CHST15: variants seen among roughly 807,000 people sequenced by gnomAD.
CHST15 encodes the protein carbohydrate sulfotransferase 15, also known as B cell RAG associated protein (GALNAC4S-6ST).
Under a neutral mutation model 53.6 loss-of-function variants are expected in CHST15, and 30 were observed. The observed-to-expected ratio is 0.56, with a 90% CI of 0.42 to 0.76. The LOEUF is 0.76. Among genes scored for constraint, CHST15 ranks in the 30% least tolerant of loss-of-function variants. The pLI is 0.00. For synonymous variants in CHST15, 296 were observed against 289.8 expected (o/e 1.02, Z -0.22); for missense variants, 627 against 740.5 (o/e 0.85, Z 1.78).
rs369700369 is a variant in CHST15 at position 124,046,171 on chromosome 10, G to A, written c.42C>T (p.Asp14=). ...CINCCIQLLP[D]GAHKQQVNCQ... is the part of the protein sequence containing the mutation. Reference sequence around the variant, plus strand: ...AGTTGACCTGCTGCTTGTGTGCGCCGTCGGGTAACAGCTGTATGCAGCAAT... The same window carrying A: ...AGTTGACCTGCTGCTTGTGTGCGCCATCGGGTAACAGCTGTATGCAGCAAT... Residue 14 remains aspartate (D), a synonymous_variant, in exon 2 of 8, where the codon GAC becomes GAT. Transcript: ENST00000435907. 38 of 1,613,310 alleles carry A rather than the reference G, an allele frequency of 2.4e-5. No individual in the cohort carries two copies. Among genetic ancestry groups the A allele is most frequent in the East Asian group, 4.5e-5 (2 of 44,894 alleles).
At chr10:124,058,372 T>C (rs1948452178) in intron 1 of CHST15, among the ~76,000 whole-genome samples, 1 of 152,254 alleles carries the variant, frequency 6.6e-6, no homozygotes, top group Non-Finnish European at 1.5e-5. Flanking sequence ...AGGTCCCTTC[T>C]TGAAGGCACT....
intron 6 of CHST15, among the ~76,000 whole-genome samples, chr10:124,014,358 C>T (rs1007967227): frequency 1.3e-5 from 2 of 152,210 alleles, no homozygotes; most frequent in African/African-American, 4.8e-5. Flanking sequence ...CTATTCTTTT[C>T]CCATTTCATT....
intron 4 of CHST15, among the ~76,000 whole-genome samples, chr10:124,039,912 G>A (rs148991079): frequency 8.4e-4 from 128 of 152,322 alleles, no homozygotes; most frequent in Non-Finnish European, 1.6e-3. Context: ...AGATGACTGA[G>A]TCTCTTTGGT....
chr10:124,018,016 C>T (rs1210045137), intron 6 of CHST15, among the ~76,000 whole-genome samples: 1 of 152,248 alleles, frequency 6.6e-6, no homozygotes, highest in Non-Finnish European at 1.5e-5. Flanking sequence ...CCTTCCTCCT[C>T]CTCATCCCTC....
rs1451412208 is a variant in CHST15, at chr10:124,046,137, C to A, written c.76G>T (p.Gly26Cys). 51 of 1,614,144 alleles carry A rather than the reference C, an allele frequency of 3.2e-5. No homozygotes were observed. The East Asian group carries it at 1.1e-3, about 35-fold the overall frequency. ...CACGCCTGGTGACCGTGATGGGGGCCCCCTTGGCAGTTGACCTGCTGCTTG... is the reference window on the plus strand; with the variant it reads ...CACGCCTGGTGACCGTGATGGGGGCACCCTTGGCAGTTGACCTGCTGCTTG... ...AHKQQVNCQG[G>C]PHHGHQACPT... Residue 26 changes from glycine (G) to cysteine (C), a missense_variant, in exon 2 of 8, where the codon GGC (glycine) becomes TGC (cysteine). Physicochemically the swap from Gly to Cys is radical, Grantham distance 159. Transcript: ENST00000435907.
chr10:124,015,695 C>A (rs1210975277), intron 6 of CHST15, among the ~76,000 whole-genome samples: 1 of 152,250 alleles, frequency 6.6e-6, no homozygotes, highest in Non-Finnish European at 1.5e-5. Flanking sequence ...GTGCCAGGCA[C>A]CCTGCTAGGC....
chr10:124,053,346 T>C (rs1174687280), intron 1 of CHST15, among the ~76,000 whole-genome samples: 1 of 152,166 alleles, frequency 6.6e-6, no homozygotes, highest in Non-Finnish European at 1.5e-5. Context: ...GTGTACTCAT[T>C]TGTCCTCTTG....
rs199670609 is a variant in CHST15, at chr10:124,009,713, GA to G, written c.*435del. The G allele has an allele frequency of 2.6e-3, 2,636 of 1,024,642 alleles. 36 individuals carry two copies. In the African/African-American group the frequency reaches 0.035, roughly 14 times the overall value. 63.5% of individuals were successfully genotyped at this position (1,024,642 alleles called of 1,614,324 possible). On this transcript the variant is annotated 3_prime_UTR_variant, in exon 8 of 8. Transcript: ENST00000435907. ...CACGGCGAGACCCCATCTCTAGGGG[GA>G]AAAAAAGGGAACGTGAAGTGTAAGT...
intron 5 of CHST15, among the ~76,000 whole-genome samples, chr10:124,037,381 GGTCT>G (rs1441980329): frequency 6.6e-6 from 1 of 152,096 alleles, no homozygotes; most frequent in Non-Finnish European, 1.5e-5. Flanking sequence ...GATTAGACTT[GGTCT>G]GTCTGACTCT....
At chr10:124,064,783 T>G (rs1375344498) in intron 1 of CHST15, among the ~76,000 whole-genome samples, 1 of 151,908 alleles carries the variant, frequency 6.6e-6, no homozygotes, top group Non-Finnish European at 1.5e-5. Context: ...GCTAGATGCA[T>G]TCGCTCTTGC....
At chr10:124,077,050 G>A (rs746518263) in intron 1 of CHST15, among the ~76,000 whole-genome samples, 25 of 152,198 alleles carry the variant, frequency 1.6e-4, no homozygotes, top group Non-Finnish European at 2.5e-4. Flanking sequence ...GTTGCACTGC[G>A]TCTTGCAAAT....
At chr10:124,035,191 ACCCCTAACGGGGACCCTGGCTCTAC>A (rs1947427772) in intron 5 of CHST15, among the ~76,000 whole-genome samples, 1 of 72,910 alleles carries the variant, frequency 1.4e-5, no homozygotes, top group Admixed American at 1.7e-4. Context: ...CCCTGGTTCC[ACCCCTAACGGGGACCCTGGCTCTAC>A]CCCCTAACAG....
At chr10:124,067,801 G>C (rs773478031) in intron 1 of CHST15, among the ~76,000 whole-genome samples, 27 of 152,116 alleles carry the variant, frequency 1.8e-4, no homozygotes, top group Non-Finnish European at 3.8e-4. Flanking sequence ...ATTTTTAGTA[G>C]AGACGGGGTT....
Position 124,019,953 on chromosome 10 carries a change from A to T in CHST15, c.1347+1303T>A. 1 of 984,984 alleles carries T rather than the reference A, an allele frequency of 1.0e-6. No individual in the cohort carries two copies. The highest frequency in any genetic ancestry group is 1.8e-5 in the African/African-American group (1 of 57,068). 61.0% of individuals were successfully genotyped at this position (984,984 alleles called of 1,614,324 possible). A position where few individuals can be genotyped will look rare whatever the true frequency, so the allele number is the denominator to read the frequency against. On this transcript the variant is annotated intron_variant, in intron 6 of 7. Transcript: ENST00000435907. The surrounding 1 kb of genome is among the most constrained non-coding windows in gnomAD (Gnocchi z 4.6). ...CACGCTGCTCTCAGTTCCCTGGCCA[A>T]CTCTCCTTCAGGCCTCAGCACAGAC...
chr10:124,009,233 A>C lies in CHST15; in HGVS notation c.*916T>G. On this transcript the variant is annotated 3_prime_UTR_variant, in exon 8 of 8. Transcript: ENST00000435907. ...TACCTAGATTTTCCAAGAAGTGTTC[A>C]ATTCCTTGAGGTTGCTCATTCTGGC... 1 of 1,118,566 alleles carries C rather than the reference A, an allele frequency of 8.9e-7. No homozygotes were observed. The highest frequency in any genetic ancestry group is 1.1e-6 in the Non-Finnish European group (1 of 900,568). The allele number at this position is 1,118,566 out of a possible 1,614,324, so 69.3% of individuals were successfully genotyped here.
In CHST15 at chr10:124,045,667, A is replaced by AT; in HGVS notation, c.545dup (p.His182GlnfsTer15). On this transcript the variant is annotated frameshift_variant and splice_region_variant, in exon 2 of 8. Transcript: ENST00000435907. LOFTEE classifies it high-confidence loss of function. ...TCAAGATTAGCACAAAGCTACTCAC[A>AT]TGCAACTCCTGCTTCTTAAGGTCTT... 6.3e-7 allele frequency: 1 copy of AT among 1,583,486 alleles called. No homozygotes were observed. Among genetic ancestry groups the AT allele is most frequent in the Non-Finnish European group, 8.6e-7 (1 of 1,164,720 alleles).
chr10:124,029,161 A>T (rs1374005785), intron 5 of CHST15, among the ~76,000 whole-genome samples: 3 of 152,178 alleles, frequency 2.0e-5, no homozygotes, highest in Non-Finnish European at 4.4e-5. Flanking sequence ...AATAATGATT[A>T]TATATTTTTT....
Position 124,011,707 on chromosome 10 carries a change from C to G in CHST15, c.1495+626G>C, listed in dbSNP as rs1157479588. On this transcript the variant is annotated intron_variant, in intron 7 of 7. Coordinates refer to ENST00000435907, the MANE Select transcript of CHST15 (RefSeq NM_001270764.2). ...TCACCACAAAGTGACTCTCAGGCCC[C>G]TGGGGGGGCTGGTATCCACAGGCTG... is the stretch of plus-strand genomic sequence containing the variant. 9.1e-6 allele frequency: 9 copies of G among 985,294 alleles called. No homozygotes were observed. In the African/African-American group the frequency reaches 1.4e-4, roughly 15 times the overall value. The allele number at this position is 985,294 out of a possible 1,614,324, so 61.0% of individuals were successfully genotyped here. A position where few individuals can be genotyped will look rare whatever the true frequency, so the allele number is the denominator to read the frequency against.
intron 1 of CHST15, among the ~76,000 whole-genome samples, chr10:124,079,988 A>C (rs4929792): frequency 0.7 from 106,190 of 151,956 alleles, 37,504 homozygotes; most frequent in African/African-American, 0.8. Flanking sequence ...CCCAAGACGT[A>C]CCCCCTCAAG....
Sources: allele counts gnomAD v4.1 joint callset (sites outside exome capture counted in the v4.1 genomes callset), GRCh38; gene constraint gnomAD v4.1.1; non-coding constraint Gnocchi (gnomAD v3.1); transcripts MANE v1.5; gene names NCBI Gene and HGNC (gene_info 2026-07-23, HGNC 2026-07-21).